CDH23: variants seen among roughly 807,000 people sequenced by gnomAD.
The protein encoded by CDH23 is cadherin-23.
In CDH23, 189 loss-of-function variants were observed where a neutral mutation model predicts 317.1. The ratio of observed to expected loss-of-function variants is 0.60; its 90% confidence interval spans 0.53 to 0.67. CDH23 has a LOEUF of 0.67. Ranked by LOEUF, CDH23 falls within the 30% of genes least tolerant of loss-of-function variation. The pLI is 0.00. For synonymous variants in CDH23, 1,839 were observed against 1,876.8 expected (o/e 0.98, Z 0.52); for missense variants, 4,401 against 4,592.4 (o/e 0.96, Z 1.20).
Position 71,520,454 on chromosome 10 carries a change from C to T in CDH23, c.429+9242C>T, listed in dbSNP as rs575918222. 2.0e-5 allele frequency among the ~76,000 whole-genome samples: 3 copies of T among 152,348 alleles called. No individual in the cohort carries two copies. In the South Asian group the frequency reaches 6.2e-4, roughly 32 times the overall value. On this transcript the variant is annotated intron_variant, in intron 6 of 69. Coordinates refer to ENST00000224721, the MANE Select transcript of CDH23 (RefSeq NM_022124.6). ...ACACTGAGTAAGGGTCAAGGATCTG[C>T]CCAGGGTCACCCCGCAATTAGTGGC...
intron 3 of CDH23, among the ~76,000 whole-genome samples, chr10:71,501,727 G>A (rs979535454): frequency 7.2e-5 from 11 of 152,232 alleles, no homozygotes; most frequent in Admixed American, 5.9e-4. Flanking sequence ...GATCCCAGAG[G>A]AGAGACAAAT....
chr10:71,712,658 C>A lies in CDH23; in HGVS notation c.3221-7C>A, dbSNP rs776427467. ...TGCTAACACCTGTCTTCCTTCAACT[C>A]CCACAGACAACGGCCCTGTAGGGAA... On this transcript the variant is annotated splice_region_variant and splice_polypyrimidine_tract_variant and intron_variant, in intron 27 of 69. Transcript: ENST00000224721. 1.2e-6 allele frequency: 2 copies of A among 1,613,008 alleles called. No homozygotes were observed. Among genetic ancestry groups the A allele is most frequent in the South Asian group, 2.2e-5 (2 of 91,066 alleles).
chr10:71,780,604 G>T (rs774164544), intron 41 of CDH23, among the ~76,000 whole-genome samples: 33 of 152,178 alleles, frequency 2.2e-4, no homozygotes, highest in Non-Finnish European at 4.4e-4. Flanking sequence ...GACCAGAGAG[G>T]TAATGGGGCC....
In CDH23 at chr10:71,596,609, C is replaced by T. The variant is rs74685943; in HGVS notation, c.832+18617C>T. ...ACTGTACACAGACCCTTCCCTTCCA[C>T]GCCAGGACCCCTCTCCCTCCAGTGT... On this transcript the variant is annotated intron_variant, in intron 9 of 69. Transcript: ENST00000224721. 1.4e-3 allele frequency among the ~76,000 whole-genome samples: 217 copies of T among 152,310 alleles called. 1 individual carries two copies. Among genetic ancestry groups the T allele is most frequent in the African/African-American group, 1.8e-3 (74 of 41,554 alleles).
At chr10:71,590,578 C>G (rs1859400269) in intron 9 of CDH23, among the ~76,000 whole-genome samples, 1 of 152,180 alleles carries the variant, frequency 6.6e-6, no homozygotes, top group African/African-American at 2.4e-5. Flanking sequence ...TTTAAAGGGG[C>G]TTGTGACTAG....
chr10:71,737,642 G>T (rs930453034), intron 34 of CDH23: 4 of 464,544 alleles, frequency 8.6e-6, no homozygotes, highest in Non-Finnish European at 1.3e-5. Flanking sequence ...CTGGGGCAGG[G>T]CAGTGGGAGA....
Position 71,777,736 on chromosome 10 carries a change from C to T in CDH23, c.4902C>T (p.Phe1634=), listed in dbSNP as rs565823145. The change falls in exon 39 of 70, where the codon TTC becomes TTT. Residue 1634 remains phenylalanine (F), a synonymous_variant. Transcript: ENST00000224721. ...IVDENDNAPM[F]QQPHYEVLLD... is the part of the protein sequence containing the mutation. ...ATGAGAATGATAACGCGCCCATGTT[C>T]CAGCAGCCCCACTATGAGGTGCTGC... The T allele has an allele frequency of 6.2e-5, 100 of 1,613,670 alleles. No individual in the cohort carries two copies. The South Asian group carries it at 1.0e-3, about 16-fold the overall frequency.
At chr10:71,496,975 C>T (rs1301149694) in intron 3 of CDH23, among the ~76,000 whole-genome samples, 1 of 152,190 alleles carries the variant, frequency 6.6e-6, no homozygotes, top group Non-Finnish European at 1.5e-5. Context: ...GAGTCATCCT[C>T]CAGCCAGGCC....
In CDH23 at chr10:71,785,200, G is replaced by A. The variant is rs151291027; in HGVS notation, c.5712+100G>A. 2.6e-4 allele frequency: 256 copies of A among 970,272 alleles called. 2 individuals are homozygous for A. In the African/African-American group the frequency reaches 3.5e-3, roughly 13 times the overall value. 60.1% of individuals were successfully genotyped at this position (970,272 alleles called of 1,614,324 possible). A position where few individuals can be genotyped will look rare whatever the true frequency, so the allele number is the denominator to read the frequency against. On this transcript the variant is annotated intron_variant, in intron 43 of 69. Transcript: ENST00000224721. ...CTGCTGCCACCATCTGGGCTCCACCGGGCTCCCGTTCCTGCACTGGGATGA... is the reference window on the plus strand; with the variant it reads ...CTGCTGCCACCATCTGGGCTCCACCAGGCTCCCGTTCCTGCACTGGGATGA...
chr10:71,751,734 G>A lies in CDH23; in HGVS notation c.4845+9813G>A. On this transcript the variant is annotated intron_variant, in intron 38 of 69. Transcript: ENST00000224721. This position sits in a 1 kb window ranked among gnomAD's most constrained non-coding sequence, Gnocchi z 4.9. Reference sequence around the variant, plus strand: ...AGGGGGGTGCTGGGCTCCGAAAGCAGATGCCGCCCAGACTCAGAAGGCTGC... The same window carrying A: ...AGGGGGGTGCTGGGCTCCGAAAGCAAATGCCGCCCAGACTCAGAAGGCTGC... The A allele has an allele frequency of 6.3e-7, 1 of 1,591,454 alleles. No homozygotes were observed. Among genetic ancestry groups the A allele is most frequent in the Non-Finnish European group, 8.5e-7 (1 of 1,169,824 alleles).
At chr10:71,808,084 T>G in intron 60 of CDH23, 77 bp downstream of exon 60, 1 of 1,519,604 alleles carries the variant, frequency 6.6e-7, no homozygotes. Context: ...TGGGGGGAGA[T>G]GGGGTCTGTG....
intron 3 of CDH23, among the ~76,000 whole-genome samples, chr10:71,464,262 T>G (rs1851142403): frequency 6.6e-6 from 1 of 152,222 alleles, no homozygotes; most frequent in Non-Finnish European, 1.5e-5. Context: ...TTTATATACA[T>G]TATTGCATCA....
At chr10:71,624,734 C>CTAT (rs57038733) in intron 11 of CDH23, among the ~76,000 whole-genome samples, 16,202 of 146,096 alleles carry the variant, frequency 0.11, 1,168 homozygotes, top group African/African-American at 0.21. Context: ...TAGACATTAG[C>CTAT]TATTATTATT....
chr10:71,582,329 T>C (rs1352996649), intron 9 of CDH23, among the ~76,000 whole-genome samples: 1 of 152,182 alleles, frequency 6.6e-6, no homozygotes, highest in African/African-American at 2.4e-5. Flanking sequence ...ATAAAACACA[T>C]AGGATTTTGA....
chr10:71,623,478 G>A (rs774397785), intron 11 of CDH23, among the ~76,000 whole-genome samples: 10 of 152,228 alleles, frequency 6.6e-5, no homozygotes, highest in Admixed American at 3.9e-4. Context: ...GTCAGGCACA[G>A]GAAGGCGTTT....
chr10:71,737,494 T>A (rs967499820), intron 34 of CDH23, among the ~76,000 whole-genome samples: 4 of 152,194 alleles, frequency 2.6e-5, no homozygotes, highest in African/African-American at 7.2e-5. Context: ...GTCAAACCTG[T>A]ATAGAAGGAA....
At chr10:71,585,318 A>T (rs1320714857) in intron 9 of CDH23, among the ~76,000 whole-genome samples, 1 of 152,166 alleles carries the variant, frequency 6.6e-6, no homozygotes, top group Non-Finnish European at 1.5e-5. Context: ...TGTGAATGCC[A>T]CCCTAGACCC....
intron 11 of CDH23, among the ~76,000 whole-genome samples, chr10:71,630,212 G>C (rs568558156): frequency 1.3e-5 from 2 of 152,016 alleles, no homozygotes; most frequent in Admixed American, 1.3e-4. Context: ...TGTAGAGATG[G>C]GGCCTCACTA....
rs1338886605 is a variant in CDH23 at position 71,791,125 on chromosome 10, G to A, written c.6050-7G>A. On this transcript the variant is annotated splice_region_variant and splice_polypyrimidine_tract_variant and intron_variant, in intron 46 of 69. Transcript: ENST00000224721. ...GTGTTTCCCTGGCTGGCGGCACCGG[G>A]TGCCAGGTGTGGTGACCGTGAGGTC... 3 of 1,600,088 alleles carry A rather than the reference G, an allele frequency of 1.9e-6. No individual in the cohort carries two copies. Among genetic ancestry groups the A allele is most frequent in the South Asian group, 1.1e-5 (1 of 88,990 alleles).
Sources: allele counts gnomAD v4.1 joint callset (sites outside exome capture counted in the v4.1 genomes callset), GRCh38; gene constraint gnomAD v4.1.1; non-coding constraint Gnocchi (gnomAD v3.1); transcripts MANE v1.5; gene names NCBI Gene and HGNC (gene_info 2026-07-23, HGNC 2026-07-21).